CNTNAP3: variants seen among roughly 807,000 people sequenced by gnomAD.
The protein encoded by CNTNAP3 is contactin-associated protein-like 3.
CNTNAP3 carries 36 observed loss-of-function variants against 92.1 expected under a neutral mutation model. The observed-to-expected ratio is 0.39, with a 90% CI of 0.30 to 0.52. The LOEUF (loss-of-function observed/expected upper bound fraction) is 0.52, where lower values mean the gene tolerates loss of function less well. Among genes scored for constraint, CNTNAP3 ranks in the 20% least tolerant of loss-of-function variants. The pLI, the probability that CNTNAP3 is intolerant of heterozygous loss-of-function variation, is 0.76. For missense variants in CNTNAP3, 534 were observed against 1,069.6 expected (o/e 0.50, Z 6.98); for synonymous variants, 232 against 422.3 (o/e 0.55, Z 5.53).
chr9:39,145,714 G>C (rs1821683282), intron 10 of CNTNAP3, among the ~76,000 whole-genome samples: 1 of 137,308 alleles, frequency 7.3e-6, no homozygotes, highest in South Asian at 2.5e-4. Flanking sequence ...TGAGCATTTA[G>C]TCTGCATTCA....
At chr9:39,159,533 T>C (rs1364889560) in intron 9 of CNTNAP3, 3 of 132,544 alleles carry the variant, frequency 2.3e-5, no homozygotes, top group Non-Finnish European at 3.2e-5. Context: ...GGTTTCACCA[T>C]GTTAGCCAGG....
intron 15 of CNTNAP3, among the ~76,000 whole-genome samples, chr9:39,105,306 A>G (rs922895848): frequency 2.6e-5 from 4 of 152,158 alleles, no homozygotes; most frequent in Non-Finnish European, 5.9e-5. Context: ...GGGTGCCTGT[A>G]GTCCCAGCTA....
In CNTNAP3 at chr9:39,144,224, G is replaced by A. The variant is rs763558484; in HGVS notation, c.1756+16C>T. The A allele has an allele frequency of 5.7e-6, 9 of 1,584,898 alleles. No homozygotes were observed. Among genetic ancestry groups the A allele is most frequent in the Non-Finnish European group, 7.7e-6 (9 of 1,165,910 alleles). ...AAGAGATGCTGACAGAAACGAGAGG[G>A]AGGCGTGAGGCTTACAGGAATGGCA... is the stretch of plus-strand genomic sequence containing the variant. On this transcript the variant is annotated intron_variant, in intron 11 of 23. Transcript: ENST00000297668.
At chr9:39,108,347 C>T (rs1162995881) in intron 15 of CNTNAP3, among the ~76,000 whole-genome samples, 2 of 152,078 alleles carry the variant, frequency 1.3e-5, no homozygotes, top group African/African-American at 4.8e-5. Context: ...GCTGCCTACA[C>T]GACTGGCTAC....
chr9:39,140,688 T>C (rs1821555027), intron 11 of CNTNAP3, 50 bp from the exon 12 acceptor site: 1 of 1,541,848 alleles, frequency 6.5e-7, no homozygotes, highest in Non-Finnish European at 8.7e-7. Flanking sequence ...CTCCAGATGT[T>C]GAGTCAGTGT....
intron 15 of CNTNAP3, among the ~76,000 whole-genome samples, chr9:39,104,356 T>C (rs1826543875): frequency 1.3e-5 from 2 of 152,090 alleles, no homozygotes; most frequent in Admixed American, 1.3e-4. Flanking sequence ...CAGCTCAGTT[T>C]GGGACATGTT....
rs1825598748 is a variant in CNTNAP3, at chr9:39,069,760, C to A, written c.*4130G>T. On this transcript the variant is annotated 3_prime_UTR_variant, in exon 24 of 24. Transcript: ENST00000297668. ...GTATACCAACTTAAACCGTGAGTGG[C>A]TGTTCTGACAACACATCAGCAATGA... is the stretch of plus-strand genomic sequence containing the variant. 6.6e-6 allele frequency among the ~76,000 whole-genome samples: 1 copy of A among 152,310 alleles called. No homozygotes were observed. The highest frequency in any genetic ancestry group is 2.4e-5 in the African/African-American group (1 of 41,488).
At chr9:39,121,123 G>T (rs1821009432) in intron 13 of CNTNAP3, among the ~76,000 whole-genome samples, 1 of 150,044 alleles carries the variant, frequency 6.7e-6, no homozygotes, top group South Asian at 2.1e-4. Flanking sequence ...TTAGACGTTG[G>T]CAGAATCAAC....
rs1394160963 is a variant in CNTNAP3, at chr9:39,092,689, T to C, written c.2996-4042A>G. 3.7e-5 allele frequency among the ~76,000 whole-genome samples: 5 copies of C among 136,736 alleles called. 1 individual carries two copies. Among genetic ancestry groups the C allele is most frequent in the Non-Finnish European group, 6.4e-5 (4 of 62,452 alleles). 89.7% of individuals were successfully genotyped at this position (136,736 alleles called of 152,430 possible). On this transcript the variant is annotated intron_variant, in intron 18 of 23. Coordinates refer to ENST00000297668, the MANE Select transcript of CNTNAP3 (RefSeq NM_033655.5). ...ATGAACACTTGAGAAGAATATACAT[T>C]CTGCTATTGTTAAGTGGTGTGTTCT...
rs200090833 is a variant in CNTNAP3 at position 39,149,887 on chromosome 9, G to A, written c.1568C>T (p.Ala523Val). Residue 523 changes from alanine to valine, a missense_variant, in exon 10 of 24, where the codon GCG (alanine) becomes GTG (valine). Coordinates refer to ENST00000297668, the MANE Select transcript of CNTNAP3 (RefSeq NM_033655.5). ...CTGCTGTACTAAGATGGGATCCACC[G>A]CTTTGTCACCAATGGTGATGAGCCT... ...CLRLITIGDKAVDPILVQQGA... is the reference protein window; with the variant it reads ...CLRLITIGDKVVDPILVQQGA... 1.8e-5 allele frequency: 29 copies of A among 1,606,306 alleles called. No individual in the cohort carries two copies. Among genetic ancestry groups the A allele is most frequent in the African/African-American group, 1.2e-4 (9 of 74,502 alleles).
At chr9:39,178,992 TAA>T (rs1055231065) in intron 4 of CNTNAP3, among the ~76,000 whole-genome samples, 4 of 148,600 alleles carry the variant, frequency 2.7e-5, no homozygotes, top group African/African-American at 9.8e-5. Flanking sequence ...TAGGCCATGG[TAA>T]ACAGCTTTTG....
intron 13 of CNTNAP3, among the ~76,000 whole-genome samples, chr9:39,119,796 C>T (rs1262336945): frequency 6.6e-6 from 1 of 152,002 alleles, no homozygotes; most frequent in Admixed American, 6.6e-5. Flanking sequence ...AAGCTTAGGA[C>T]CCCAGGACTG....
chr9:39,111,949 C>G (rs2117923767), intron 14 of CNTNAP3, among the ~76,000 whole-genome samples: 1 of 152,068 alleles, frequency 6.6e-6, no homozygotes, highest in South Asian at 2.1e-4. Flanking sequence ...AGGCAGATTC[C>G]CAACCTTTGG....
intron 14 of CNTNAP3, among the ~76,000 whole-genome samples, chr9:39,113,966 CTATATATACACACACACA>C (rs1373788489): frequency 0.019 from 2,806 of 149,618 alleles, 36 homozygotes; most frequent in Non-Finnish European, 0.026. Flanking sequence ...CTCTCTCTCT[CTATATATACACACACACA>C]TATATATACA....
chr9:39,089,513 C>T (rs1415074883), intron 18 of CNTNAP3, among the ~76,000 whole-genome samples: 1 of 152,112 alleles, frequency 6.6e-6, no homozygotes, highest in African/African-American at 2.4e-5. Context: ...ATAAATAATG[C>T]TTCCATGAAA....
At chr9:39,143,376 G>A (rs191410943) in intron 11 of CNTNAP3, among the ~76,000 whole-genome samples, 1 of 152,226 alleles carries the variant, frequency 6.6e-6, no homozygotes, top group East Asian at 1.9e-4. Context: ...GTCTTTACTT[G>A]CAACAGGCTC....
rs1336697364 is a variant in CNTNAP3 at position 39,073,083 on chromosome 9, T to C, written c.*807A>G. Reference sequence around the variant, plus strand: ...AGAAAAACAGGCAGACAATCTTGTATTGACATCCTCTTGCATCTTGTTACC... The same window carrying C: ...AGAAAAACAGGCAGACAATCTTGTACTGACATCCTCTTGCATCTTGTTACC... On this transcript the variant is annotated 3_prime_UTR_variant, in exon 24 of 24. Transcript: ENST00000297668. 2 of 152,962 alleles carry C rather than the reference T, an allele frequency of 1.3e-5. No homozygotes were observed. Among genetic ancestry groups the C allele is most frequent in the African/African-American group, 4.8e-5 (2 of 41,574 alleles). 9.5% of individuals were successfully genotyped at this position (152,962 alleles called of 1,614,324 possible). A position where few individuals can be genotyped will look rare whatever the true frequency, so the allele number is the denominator to read the frequency against.
intron 15 of CNTNAP3, among the ~76,000 whole-genome samples, chr9:39,108,721 A>G (rs1463841086): frequency 2.6e-5 from 4 of 152,136 alleles, no homozygotes; most frequent in African/African-American, 9.7e-5. Flanking sequence ...TGCTGCAGGA[A>G]AGAGATTAAT....
chr9:39,091,291 T>C (rs1212665622), intron 18 of CNTNAP3, among the ~76,000 whole-genome samples: 1 of 152,180 alleles, frequency 6.6e-6, no homozygotes, highest in East Asian at 1.9e-4. Context: ...GAAAAAAACA[T>C]TCAGTCTTTA....
Sources: allele counts gnomAD v4.1 joint callset (sites outside exome capture counted in the v4.1 genomes callset), GRCh38; gene constraint gnomAD v4.1.1; transcripts MANE v1.5; gene names NCBI Gene and HGNC (gene_info 2026-07-23, HGNC 2026-07-21).